RGS7: variants seen among roughly 807,000 people sequenced by gnomAD.
RGS7 encodes the protein regulator of G protein signaling 7.
RGS7 carries 27 observed loss-of-function variants against 81.1 expected under a neutral mutation model. That is an observed-to-expected ratio of 0.33 (90% CI 0.25 to 0.46). RGS7 has a LOEUF of 0.46. Among genes scored for constraint, RGS7 ranks in the 20% least tolerant of loss-of-function variants. The probability of loss-of-function intolerance (pLI) is 1.00; values close to 1 mark genes in which losing one functional copy is unlikely to be tolerated. For synonymous variants in RGS7, 208 were observed against 207.7 expected (o/e 1.00, Z -0.01); for missense variants, 396 against 607.4 (o/e 0.65, Z 3.66).
chr1:241,355,709 A>G lies in RGS7; in HGVS notation c.68T>C (p.Val23Ala), dbSNP rs1021181842. The G allele has an allele frequency of 7.4e-6, 12 of 1,613,930 alleles. No homozygotes were observed. Among genetic ancestry groups the G allele is most frequent in the Admixed American group, 1.7e-5 (1 of 59,998 alleles). ...GVADESPNML[V>A]YRKMEDVIAR... ...TGAAGACATTCTTACCTTTCTGTACACCAGCATGTTGGGTGATTCATCGGC... is the reference window on the plus strand; with the variant it reads ...TGAAGACATTCTTACCTTTCTGTACGCCAGCATGTTGGGTGATTCATCGGC... The change falls in exon 2 of 19, where the codon GTG (valine) becomes GCG (alanine). Residue 23 changes from valine (V) to alanine (A), a missense_variant. By Grantham distance (64) the Val-to-Ala change is moderately conservative. Transcript: ENST00000440928.
At chr1:241,046,965 G>A (rs115222118) in intron 3 of RGS7, among the ~76,000 whole-genome samples, 1,527 of 152,234 alleles carry the variant, frequency 0.01, 33 homozygotes, top group African/African-American at 0.033. Flanking sequence ...CGAAATGCCA[G>A]TGGACCTCCT....
chr1:241,259,667 A>AAAAAAAAAAAAAAAAAAAAAAATAT, intron 2 of RGS7, among the ~76,000 whole-genome samples: 8 of 49,132 alleles, frequency 1.6e-4, no homozygotes, highest in South Asian at 1.1e-3. Flanking sequence ...AAAAAAAAAA[A>AAAAAAAAAAAAAAAAAAAAAAATAT]ATATATATAT....
intron 6 of RGS7, chr1:240,919,996 C>T: frequency 7.5e-7 from 1 of 1,334,676 alleles, no homozygotes; most frequent in Non-Finnish European, 1.1e-6. Flanking sequence ...AAAGAAGACA[C>T]AGAAGAACAT....
chr1:241,028,467 G>A (rs1359540500), intron 3 of RGS7, among the ~76,000 whole-genome samples: 2 of 152,170 alleles, frequency 1.3e-5, no homozygotes, highest in Admixed American at 6.5e-5. Flanking sequence ...GAGACAAGAC[G>A]CACAGTACAC....
chr1:240,921,403 T>A (rs1474125042), intron 6 of RGS7, among the ~76,000 whole-genome samples: 1 of 152,044 alleles, frequency 6.6e-6, no homozygotes, highest in African/African-American at 2.4e-5. Context: ...CTACTCCTAT[T>A]TGCCATTGTA....
chr1:240,905,934 G>T (rs1317858907), intron 6 of RGS7, among the ~76,000 whole-genome samples: 1 of 152,162 alleles, frequency 6.6e-6, no homozygotes, highest in Non-Finnish European at 1.5e-5. Flanking sequence ...GGTCATGTCA[G>T]TTACGATGTG....
At chr1:240,965,799 T>G (rs563628839) in intron 4 of RGS7, among the ~76,000 whole-genome samples, 1 of 152,302 alleles carries the variant, frequency 6.6e-6, no homozygotes, top group African/African-American at 2.4e-5. Context: ...CTTTTAATAA[T>G]TTGTTTCCGT....
chr1:240,911,615 C>T (rs1037369654), intron 6 of RGS7, among the ~76,000 whole-genome samples: 1 of 152,170 alleles, frequency 6.6e-6, no homozygotes, highest in Non-Finnish European at 1.5e-5. Context: ...TATAGCTAAA[C>T]ATCCAGCTAT....
chr1:241,198,422 T>G (rs1258032626), intron 2 of RGS7, among the ~76,000 whole-genome samples: 1 of 151,998 alleles, frequency 6.6e-6, no homozygotes, highest in Non-Finnish European at 1.5e-5. Context: ...TTGAAAAGGC[T>G]AATATAGTTG....
At chr1:241,015,838 A>T (rs1223800256) in intron 3 of RGS7, among the ~76,000 whole-genome samples, 2 of 152,196 alleles carry the variant, frequency 1.3e-5, no homozygotes, top group African/African-American at 4.8e-5. Flanking sequence ...ATCAAGTCAG[A>T]TCAAAGTAAG....
intron 2 of RGS7, among the ~76,000 whole-genome samples, chr1:241,106,711 G>A (rs867357466): frequency 2.0e-4 from 18 of 90,806 alleles, no homozygotes; most frequent in Non-Finnish European, 2.6e-4. Context: ...GCGAGACTCC[G>A]TCTCCAAAAA....
intron 2 of RGS7, among the ~76,000 whole-genome samples, chr1:241,146,296 A>AT (rs2068304901): frequency 6.6e-6 from 1 of 152,246 alleles, no homozygotes; most frequent in Admixed American, 6.5e-5. Flanking sequence ...TGTATGAGGT[A>AT]TTATAAGTAA....
chr1:241,160,086 G>T (rs1216659220), intron 2 of RGS7, among the ~76,000 whole-genome samples: 1 of 144,286 alleles, frequency 6.9e-6, no homozygotes, highest in Non-Finnish European at 1.5e-5. Context: ...ACTATAGCCT[G>T]GGTGACAGAG....
At chr1:240,893,991 T>C (rs1450778522) in intron 6 of RGS7, among the ~76,000 whole-genome samples, 6 of 152,182 alleles carry the variant, frequency 3.9e-5, no homozygotes, top group Admixed American at 3.9e-4. Flanking sequence ...AGAAGGCTAT[T>C]TTTAGTAGAT....
At chr1:241,079,334 A>G (rs2063004827) in intron 3 of RGS7, among the ~76,000 whole-genome samples, 1 of 152,216 alleles carries the variant, frequency 6.6e-6, no homozygotes, top group East Asian at 1.9e-4. Flanking sequence ...ACTGATTACT[A>G]AAGAGGACGC....
chr1:241,173,600 C>T (rs2070889868), intron 2 of RGS7, among the ~76,000 whole-genome samples: 1 of 152,032 alleles, frequency 6.6e-6, no homozygotes, highest in Non-Finnish European at 1.5e-5. Flanking sequence ...GCCTGTGCAA[C>T]ACAGTGAGAC....
chr1:241,073,994 A>T (rs1026261642), intron 3 of RGS7, among the ~76,000 whole-genome samples: 1 of 150,506 alleles, frequency 6.6e-6, no homozygotes, highest in African/African-American at 2.5e-5. Context: ...TCCGCCTCCC[A>T]GGTTCAAGTG....
chr1:241,203,308 C>G (rs2686235), intron 2 of RGS7, among the ~76,000 whole-genome samples: 35,753 of 151,976 alleles, frequency 0.24, 6,159 homozygotes, highest in African/African-American at 0.49. Context: ...TCTCGGCTCA[C>G]TGCAACTTCC....
intron 4 of RGS7, among the ~76,000 whole-genome samples, chr1:240,954,076 T>G (rs1267410537): frequency 1.3e-5 from 2 of 152,014 alleles, no homozygotes; most frequent in Non-Finnish European, 2.9e-5. Flanking sequence ...CCTGAATAGC[T>G]CTATTTCTAG....
Sources: gnomAD v4.1 joint callset for allele counts (sites outside exome capture counted in the v4.1 genomes callset) on GRCh38, gnomAD v4.1.1 for gene constraint, MANE v1.5 for transcripts, NCBI Gene and HGNC (gene_info 2026-07-23, HGNC 2026-07-21) for gene names.